PDE10A: variants seen among roughly 807,000 people sequenced by gnomAD.
PDE10A encodes the protein cAMP and cAMP-inhibited cGMP 3',5'-cyclic phosphodiesterase 10A.
PDE10A carries 39 observed loss-of-function variants against 97.7 expected under a neutral mutation model. The ratio of observed to expected loss-of-function variants is 0.40; its 90% CI spans 0.31 to 0.52. PDE10A has a LOEUF of 0.52. PDE10A is among the 20% of genes least tolerant of loss of function. The pLI is 0.56. For synonymous variants in PDE10A, 371 were observed against 376.8 expected (o/e 0.98, Z 0.18); for missense variants, 731 against 1,047.8 (o/e 0.70, Z 4.17).
At chr6:165,727,289 T>C (rs1792323534) in intron 1 of PDE10A, among the ~76,000 whole-genome samples, 1 of 152,176 alleles carries the variant, frequency 6.6e-6, no homozygotes, top group Non-Finnish European at 1.5e-5. Context: ...AGATTTCCCT[T>C]CGCTTAGGGT....
intron 1 of PDE10A, among the ~76,000 whole-genome samples, chr6:165,745,485 AAT>A (rs1792822921): frequency 6.6e-6 from 1 of 152,236 alleles, no homozygotes; most frequent in Non-Finnish European, 1.5e-5. Context: ...AATTAAAAAT[AAT>A]ATCTTTACCA....
intron 1 of PDE10A, among the ~76,000 whole-genome samples, chr6:165,809,294 C>A (rs1376261062): frequency 6.6e-6 from 1 of 152,208 alleles, no homozygotes; most frequent in Non-Finnish European, 1.5e-5. Context: ...TTCCCTGTCC[C>A]TGCCCTCTAC....
At chr6:165,544,505 ATTATT>A (rs1368304264) in intron 1 of PDE10A, among the ~76,000 whole-genome samples, 1 of 151,966 alleles carries the variant, frequency 6.6e-6, no homozygotes, top group Admixed American at 6.6e-5. Flanking sequence ...AGTGACGGGA[ATTATT>A]TTTACTACTG....
chr6:165,831,509 G>A (rs1218992729), intron 1 of PDE10A, among the ~76,000 whole-genome samples: 2 of 120,636 alleles, frequency 1.7e-5, no homozygotes, highest in Admixed American at 9.9e-5. Flanking sequence ...ACGGAGTCTC[G>A]CTCTCTCACC....
intron 3 of PDE10A, among the ~76,000 whole-genome samples, chr6:165,470,446 C>G (rs904778528): frequency 6.6e-5 from 10 of 152,128 alleles, no homozygotes; most frequent in African/African-American, 2.2e-4. Flanking sequence ...TTCATAAAAT[C>G]CAGTATTAAA....
At chr6:165,921,757 G>A (rs184530307) in intron 1 of PDE10A, among the ~76,000 whole-genome samples, 1 of 152,308 alleles carries the variant, frequency 6.6e-6, no homozygotes, top group East Asian at 1.9e-4. Flanking sequence ...TGAGCCCATG[G>A]GAGAATTTTA....
chr6:165,744,507 C>T (rs1792800293), intron 1 of PDE10A, among the ~76,000 whole-genome samples: 1 of 151,874 alleles, frequency 6.6e-6, no homozygotes, highest in African/African-American at 2.4e-5. Flanking sequence ...GATAAGTGGC[C>T]TATACACATT....
chr6:165,560,944 G>A (rs1784491539), intron 1 of PDE10A, among the ~76,000 whole-genome samples: 1 of 152,138 alleles, frequency 6.6e-6, no homozygotes, highest in Non-Finnish European at 1.5e-5. Context: ...CATGGGCTGG[G>A]CACAGTGGCT....
intron 1 of PDE10A, among the ~76,000 whole-genome samples, chr6:165,608,985 T>G (rs1300566171): frequency 6.6e-6 from 1 of 152,218 alleles, no homozygotes; most frequent in Non-Finnish European, 1.5e-5. Context: ...TTTGTTTGAG[T>G]TCTTTGTAGA....
At chr6:165,780,476 A>C (rs1195275229) in intron 1 of PDE10A, 1 of 152,252 alleles carries the variant, frequency 6.6e-6, no homozygotes, top group African/African-American at 2.4e-5. Context: ...ATGATAAAGT[A>C]AAATATCACA....
intron 1 of PDE10A, among the ~76,000 whole-genome samples, chr6:165,850,361 A>ACT (rs1780542889): frequency 6.6e-6 from 1 of 152,066 alleles, no homozygotes; most frequent in South Asian, 2.1e-4. Flanking sequence ...AGTGCGTGGG[A>ACT]CTCTCAGGGT....
chr6:165,360,498 CA>C (rs1327234914), intron 18 of PDE10A, among the ~76,000 whole-genome samples: 2 of 152,134 alleles, frequency 1.3e-5, no homozygotes, highest in Non-Finnish European at 2.9e-5. Flanking sequence ...ACCTACCATC[CA>C]ATGTCAGTTG....
intron 1 of PDE10A, among the ~76,000 whole-genome samples, chr6:165,977,663 C>T (rs1784889997): frequency 6.6e-6 from 1 of 152,102 alleles, no homozygotes; most frequent in African/African-American, 2.4e-5. Flanking sequence ...TATAGAAAAT[C>T]AAACACCTTC....
chr6:165,621,100 A>C (rs183598047), intron 1 of PDE10A, among the ~76,000 whole-genome samples: 2 of 152,012 alleles, frequency 1.3e-5, no homozygotes, highest in African/African-American at 4.8e-5. Flanking sequence ...TCCAGTTCTA[A>C]TTCTACATGT....
chr6:165,815,679 TC>T (rs1362449643), intron 1 of PDE10A, among the ~76,000 whole-genome samples: 11 of 152,050 alleles, frequency 7.2e-5, no homozygotes, highest in Non-Finnish European at 1.5e-4. Flanking sequence ...TTCTGGTTTT[TC>T]CCCCCATGGC....
At chr6:165,411,206 A>G (rs1787796588) in intron 13 of PDE10A, among the ~76,000 whole-genome samples, 1 of 151,808 alleles carries the variant, frequency 6.6e-6, no homozygotes, top group Non-Finnish European at 1.5e-5. Context: ...AGGAGACTCA[A>G]GAGGTCTGCA....
intron 1 of PDE10A, among the ~76,000 whole-genome samples, chr6:165,571,922 C>A (rs867965384): frequency 3.3e-5 from 5 of 152,274 alleles, no homozygotes; most frequent in South Asian, 2.1e-4. Context: ...TATTTAGGAG[C>A]CAAATTGTCC....
intron 1 of PDE10A, among the ~76,000 whole-genome samples, chr6:165,866,673 AC>A (rs67093663): frequency 0.67 from 95,129 of 141,988 alleles, 32,287 homozygotes; most frequent in East Asian, 0.95. Flanking sequence ...CAGCAAAAAA[AC>A]AACAAAAAAG....
intron 1 of PDE10A, among the ~76,000 whole-genome samples, chr6:165,902,807 G>C (rs1264026262): frequency 6.6e-6 from 1 of 152,202 alleles, no homozygotes; most frequent in African/African-American, 2.4e-5. Flanking sequence ...TCCTTCCACA[G>C]TCTGGACACA....
Sources: allele counts gnomAD v4.1 joint callset (sites outside exome capture counted in the v4.1 genomes callset), GRCh38; gene constraint gnomAD v4.1.1; transcripts MANE v1.5; gene names NCBI Gene and HGNC (gene_info 2026-07-23, HGNC 2026-07-21).